Variants in MYO16 observed in about 807,000 individuals in gnomAD.
MYO16 encodes myosin XVI, also known as unconventional myosin-XVI.
MYO16 carries 94 observed loss-of-function variants against 205.3 expected under a neutral mutation model. That is an observed-to-expected ratio of 0.46 (90% CI 0.39 to 0.54). The LOEUF is 0.54. Among genes scored for constraint, MYO16 ranks in the 20% least tolerant of loss-of-function variants. The pLI is 0.00. For missense variants in MYO16, 2,315 were observed against 2,387.5 expected (o/e 0.97, Z 0.63); for synonymous variants, 988 against 954.0 (o/e 1.04, Z -0.66).
At chr13:108,607,908 A>G (rs999432499) in intron 1 of MYO16, among the ~76,000 whole-genome samples, 2 of 151,950 alleles carry the variant, frequency 1.3e-5, no homozygotes, top group Non-Finnish European at 2.9e-5. Flanking sequence ...TTAGGGTTTC[A>G]CCCCTCTCTT....
At chr13:108,714,290 C>A (rs987084944) in intron 3 of MYO16, among the ~76,000 whole-genome samples, 1 of 152,122 alleles carries the variant, frequency 6.6e-6, no homozygotes, top group African/African-American at 2.4e-5. Flanking sequence ...CTCCTGACCT[C>A]GTGATCCACC....
intron 20 of MYO16, among the ~76,000 whole-genome samples, chr13:108,969,922 C>G (rs112712722): frequency 1.3e-5 from 2 of 152,330 alleles, no homozygotes; most frequent in African/African-American, 4.8e-5. Context: ...TCTCCTCTTT[C>G]ATGGTCTGTT....
At chr13:109,111,192 T>C (rs757322658) in intron 28 of MYO16, among the ~76,000 whole-genome samples, 24 of 152,226 alleles carry the variant, frequency 1.6e-4, no homozygotes, top group Non-Finnish European at 2.4e-4. Context: ...TTGAGATTTG[T>C]TTCCCTTGGA....
intron 23 of MYO16, among the ~76,000 whole-genome samples, chr13:109,031,049 G>A (rs1448125776): frequency 6.6e-6 from 1 of 152,104 alleles, no homozygotes; most frequent in East Asian, 1.9e-4. Flanking sequence ...GATGGAATGA[G>A]TACTAATTAT....
In MYO16 at chr13:109,046,933, T is replaced by C. The variant is rs1257130364; in HGVS notation, c.2814T>C (p.Val938=). 3 of 1,610,344 alleles carry C rather than the reference T, an allele frequency of 1.9e-6. No individual in the cohort carries two copies. Among genetic ancestry groups the C allele is most frequent in the Non-Finnish European group, 2.5e-6 (3 of 1,176,676 alleles). Residue 938 remains valine, a synonymous_variant, in exon 24 of 35, where the codon GTT becomes GTC. Transcript: ENST00000457511. The stretch of plus-strand genomic sequence containing the variant: ...TATTCTAGGTAATGTATGATGTTGT[T>C]GGGGCGATTGAAAAAAATAAAGACT... ...HYAGRVMYDV[V]GAIEKNKDSL... is the part of the protein sequence containing the mutation.
intron 11 of MYO16, among the ~76,000 whole-genome samples, chr13:108,855,847 C>A (rs111716072): frequency 2.0e-3 from 311 of 152,278 alleles, no homozygotes; most frequent in African/African-American, 7.0e-3. Context: ...CTTGCTAGAA[C>A]CAGCAGGATC....
In MYO16 at chr13:108,774,513, A is replaced by C. The variant is rs140156235; in HGVS notation, c.508-11122A>C. Among the ~76,000 whole-genome samples the C allele has an allele frequency of 5.8e-3, 882 of 152,284 alleles. 4 individuals carry two copies. The highest frequency in any genetic ancestry group is 9.9e-3 in the Non-Finnish European group (675 of 68,002). On this transcript the variant is annotated intron_variant, in intron 4 of 34. Coordinates refer to ENST00000457511, the MANE Select transcript of MYO16 (RefSeq NM_001198950.3). ...CATTGATTTTGCACATATAACATTG[A>C]TTAATTTTATTTCTCTGATGAAAAT...
chr13:108,928,332 G>A (rs9514945), intron 16 of MYO16, among the ~76,000 whole-genome samples: 99,596 of 152,110 alleles, frequency 0.65, 36,405 homozygotes, highest in South Asian at 0.88. Context: ...ATATGGTTAC[G>A]GCACTGTGTC....
intron 34 of MYO16, among the ~76,000 whole-genome samples, chr13:109,203,425 T>G (rs1240967479): frequency 1.5e-5 from 2 of 137,184 alleles, no homozygotes; most frequent in Non-Finnish European, 3.2e-5. Context: ...TTATGTTGAC[T>G]TTTTTTTTTT....
intron 1 of MYO16, among the ~76,000 whole-genome samples, chr13:108,637,532 A>G (rs1353174999): frequency 6.6e-6 from 1 of 152,188 alleles, no homozygotes. Flanking sequence ...TGACTTCAAG[A>G]AATATTATTT....
At chr13:109,098,937 T>C (rs1042216667) in intron 27 of MYO16, among the ~76,000 whole-genome samples, 1 of 152,220 alleles carries the variant, frequency 6.6e-6, no homozygotes, top group Non-Finnish European at 1.5e-5. Context: ...CACCCACTTA[T>C]CAAGCTTTTT....
chr13:108,687,783 T>C (rs1288609064), intron 2 of MYO16, among the ~76,000 whole-genome samples: 1 of 152,208 alleles, frequency 6.6e-6, no homozygotes, highest in East Asian at 1.9e-4. Context: ...TCCCAATAAA[T>C]AAATCCAAAG....
intron 27 of MYO16, among the ~76,000 whole-genome samples, chr13:109,071,157 A>G (rs1010784017): frequency 1.1e-4 from 16 of 152,314 alleles, no homozygotes; most frequent in African/African-American, 2.9e-4. Context: ...TTTAAAAAAC[A>G]CGTCATTTGC....
At chr13:109,148,632 A>T (rs1214178626) in intron 32 of MYO16, among the ~76,000 whole-genome samples, 1 of 152,230 alleles carries the variant, frequency 6.6e-6, no homozygotes, top group African/African-American at 2.4e-5. Flanking sequence ...CAAGTGGCCC[A>T]TGAGCCCCCA....
chr13:108,901,643 A>G (rs1436761421), intron 15 of MYO16, among the ~76,000 whole-genome samples: 1 of 152,170 alleles, frequency 6.6e-6, no homozygotes, highest in African/African-American at 2.4e-5. Context: ...CACTTTCCGT[A>G]TGGCCTTTCT....
At chr13:108,663,726 A>G (rs556317109) in intron 1 of MYO16, among the ~76,000 whole-genome samples, 1 of 152,336 alleles carries the variant, frequency 6.6e-6, no homozygotes, top group Non-Finnish European at 1.5e-5. Flanking sequence ...GCTTCTTAAG[A>G]GTTACAAACT....
At chr13:108,960,075 C>T (rs1050341674) in intron 17 of MYO16, among the ~76,000 whole-genome samples, 2 of 151,570 alleles carry the variant, frequency 1.3e-5, no homozygotes, top group Non-Finnish European at 2.9e-5. Context: ...GAGTTCGAGA[C>T]CAACCTGAAC....
At chr13:108,916,367 GC>G (rs1881495418) in intron 16 of MYO16, among the ~76,000 whole-genome samples, 1 of 152,164 alleles carries the variant, frequency 6.6e-6, no homozygotes, top group Non-Finnish European at 1.5e-5. Context: ...CTGAATCCAG[GC>G]CCTGCTGAAT....
chr13:108,622,383 C>G (rs1385833054), intron 1 of MYO16, among the ~76,000 whole-genome samples: 1 of 152,060 alleles, frequency 6.6e-6, no homozygotes, highest in African/African-American at 2.4e-5. Context: ...ACCAGGTGAC[C>G]TGACCTTTAG....
Sources: gnomAD v4.1 joint callset for allele counts (sites outside exome capture counted in the v4.1 genomes callset) on GRCh38, gnomAD v4.1.1 for gene constraint, MANE v1.5 for transcripts, NCBI Gene and HGNC (gene_info 2026-07-23, HGNC 2026-07-21) for gene names.